Variants in PTPRM observed in about 807,000 individuals in gnomAD.
The protein encoded by PTPRM is protein tyrosine phosphatase receptor type M, also known as receptor-type tyrosine-protein phosphatase mu.
PTPRM carries 47 observed loss-of-function variants against 186.7 expected under a neutral mutation model. The observed-to-expected ratio is 0.25, with a 90% CI of 0.20 to 0.32. The LOEUF (loss-of-function observed/expected upper bound fraction) is 0.32. Ranked by LOEUF, PTPRM falls within the 10% of genes least tolerant of loss-of-function variation. The pLI is 1.00. For missense variants in PTPRM, 1,494 were observed against 1,865.0 expected, an observed-to-expected ratio of 0.80 and a Z score of 3.66; for synonymous variants, 668 against 674.9, an observed-to-expected ratio of 0.99 and a Z score of 0.16.
At chr18:7,586,811 T>A (rs1158671212) in intron 1 of PTPRM, among the ~76,000 whole-genome samples, 2 of 152,204 alleles carry the variant, frequency 1.3e-5, no homozygotes, top group African/African-American at 4.8e-5. Flanking sequence ...ATATTGACAT[T>A]TTAAAATACA....
At chr18:8,371,299 C>T (rs966372071) in intron 24 of PTPRM, among the ~76,000 whole-genome samples, 21 of 152,286 alleles carry the variant, frequency 1.4e-4, no homozygotes, top group African/African-American at 4.3e-4. Context: ...GTCTCTCTTT[C>T]TTTGTTCACA....
At chr18:7,680,158 G>A (rs553368529) in intron 1 of PTPRM, among the ~76,000 whole-genome samples, 8 of 152,274 alleles carry the variant, frequency 5.3e-5, no homozygotes, top group South Asian at 4.2e-4. Flanking sequence ...GAGCCACTAC[G>A]CCTGGCTGAC....
At chr18:8,315,452 T>C (rs1327169585) in intron 21 of PTPRM, among the ~76,000 whole-genome samples, 9 of 152,230 alleles carry the variant, frequency 5.9e-5, no homozygotes, top group Admixed American at 1.3e-4. Flanking sequence ...TTCTGCATCA[T>C]GTTAACTTAA....
intron 11 of PTPRM, among the ~76,000 whole-genome samples, chr18:8,102,258 T>C (rs547971174): frequency 4.6e-5 from 7 of 152,234 alleles, no homozygotes; most frequent in Non-Finnish European, 8.8e-5. Flanking sequence ...TTTGGGTGAC[T>C]GTGGCAATTT....
chr18:8,230,719 C>T (rs1245820891), intron 14 of PTPRM, among the ~76,000 whole-genome samples: 1 of 152,228 alleles, frequency 6.6e-6, no homozygotes, highest in East Asian at 1.9e-4. Flanking sequence ...TTTCTGTCAA[C>T]TGTTGCAGTG....
chr18:8,168,096 C>T lies in PTPRM; in HGVS notation c.2300+24317C>T, dbSNP rs77172214. The stretch of plus-strand genomic sequence containing the variant: ...TGGACAATGCTGAGTATGTTTCTAG[C>T]GCTCAGTTAAAAATATTTACTGGCA... On this transcript the variant is annotated intron_variant, in intron 14 of 32. Coordinates refer to ENST00000580170, the MANE Select transcript of PTPRM (RefSeq NM_001105244.2). Among the ~76,000 whole-genome samples, 38 of 152,320 alleles carry T rather than the reference C, an allele frequency of 2.5e-4. No individual in the cohort carries two copies. In the East Asian group the frequency reaches 6.7e-3, roughly 27 times the overall value.
chr18:7,697,696 T>C (rs183380125), intron 1 of PTPRM, among the ~76,000 whole-genome samples: 100 of 152,314 alleles, frequency 6.6e-4, no homozygotes, highest in Non-Finnish European at 1.0e-3. Flanking sequence ...ATTTTGCCAT[T>C]CAGCTTATTT....
chr18:7,641,186 C>T (rs2038434782), intron 1 of PTPRM, among the ~76,000 whole-genome samples: 1 of 152,148 alleles, frequency 6.6e-6, no homozygotes, highest in Non-Finnish European at 1.5e-5. Context: ...TCCAGTCAAC[C>T]TATATCTTCC....
chr18:7,725,994 C>T (rs2040541039), intron 1 of PTPRM, among the ~76,000 whole-genome samples: 1 of 152,200 alleles, frequency 6.6e-6, no homozygotes, highest in Non-Finnish European at 1.5e-5. Flanking sequence ...ATCACGGGCA[C>T]TGTACCCTAA....
At chr18:8,101,951 T>C (rs1035152196) in intron 11 of PTPRM, among the ~76,000 whole-genome samples, 3 of 152,112 alleles carry the variant, frequency 2.0e-5, no homozygotes, top group Admixed American at 6.5e-5. Flanking sequence ...TATCTTGGAG[T>C]TATTGCAGGC....
At chr18:8,183,944 T>A (rs2093610530) in intron 14 of PTPRM, among the ~76,000 whole-genome samples, 1 of 152,194 alleles carries the variant, frequency 6.6e-6, no homozygotes, top group African/African-American at 2.4e-5. Flanking sequence ...AAGTCCACTC[T>A]GGGTCTGTGA....
intron 19 of PTPRM, among the ~76,000 whole-genome samples, chr18:8,264,561 G>A (rs1008838697): frequency 2.8e-4 from 43 of 152,016 alleles, no homozygotes; most frequent in African/African-American, 1.0e-3. Flanking sequence ...ATGAGGTCAG[G>A]AGATCGAGAC....
intron 2 of PTPRM, among the ~76,000 whole-genome samples, chr18:7,823,101 T>C (rs6506534): frequency 0.65 from 97,996 of 151,354 alleles, 32,067 homozygotes; most frequent in East Asian, 0.84. Context: ...ATGTTTCTCC[T>C]ATTTGTAGTA....
At chr18:8,284,609 G>C (rs978892857) in intron 19 of PTPRM, among the ~76,000 whole-genome samples, 1 of 152,086 alleles carries the variant, frequency 6.6e-6, no homozygotes. Flanking sequence ...AATTAGCTAG[G>C]TATAGTGGCA....
chr18:8,120,495 T>C (rs535139508), intron 13 of PTPRM, among the ~76,000 whole-genome samples: 1 of 148,928 alleles, frequency 6.7e-6, no homozygotes, highest in African/African-American at 2.5e-5. Context: ...TTTCTTTCTT[T>C]TTTTTTTTTT....
At chr18:8,373,415 T>G (rs2095675758) in intron 24 of PTPRM, among the ~76,000 whole-genome samples, 2 of 152,182 alleles carry the variant, frequency 1.3e-5, no homozygotes, top group Non-Finnish European at 2.9e-5. Context: ...AGCTGATGAT[T>G]CCAAGCTAAA....
At chr18:8,207,683 T>A (rs934016192) in intron 14 of PTPRM, among the ~76,000 whole-genome samples, 13 of 152,384 alleles carry the variant, frequency 8.5e-5, no homozygotes, top group African/African-American at 3.1e-4. Context: ...TTCTTAGATC[T>A]TCTCTATATG....
intron 1 of PTPRM, among the ~76,000 whole-genome samples, chr18:7,722,496 A>G (rs1598436032): frequency 6.6e-6 from 1 of 152,332 alleles, no homozygotes; most frequent in African/African-American, 2.4e-5. Context: ...AGAAAAATCA[A>G]GAAAAAAAGT....
chr18:8,385,971 G>C (rs1568881619), intron 30 of PTPRM, among the ~76,000 whole-genome samples: 1 of 152,106 alleles, frequency 6.6e-6, no homozygotes, highest in Non-Finnish European at 1.5e-5. Context: ...GGAAGAGCCA[G>C]CACAATCCTG....
Sources: gnomAD v4.1 joint callset for allele counts (sites outside exome capture counted in the v4.1 genomes callset) on GRCh38, gnomAD v4.1.1 for gene constraint, MANE v1.5 for transcripts, NCBI Gene and HGNC (gene_info 2026-07-23, HGNC 2026-07-21) for gene names.